Variants in MASTL observed in about 807,000 individuals in gnomAD.
MASTL encodes the protein microtubule associated serine/threonine kinase like.
MASTL carries 54 observed loss-of-function variants against 82.5 expected under a neutral mutation model. The ratio of observed to expected loss-of-function variants is 0.65; its 90% CI spans 0.53 to 0.82. The LOEUF is 0.82. MASTL is among the 40% of genes least tolerant of loss of function. The pLI is 0.00. For synonymous variants in MASTL, 323 were observed against 368.9 expected, an observed-to-expected ratio of 0.88 and a Z score of 1.43; for missense variants, 950 against 1,047.8, an observed-to-expected ratio of 0.91 and a Z score of 1.29.
Position 27,155,364 on chromosome 10 carries a change from G to T in MASTL, c.-63G>T, listed in dbSNP as rs2135929513. 1 of 1,508,170 alleles carries T rather than the reference G, an allele frequency of 6.6e-7. No individual in the cohort carries two copies. The highest frequency in any genetic ancestry group is 2.0e-5 in the Admixed American group (1 of 50,150). The allele number at this position is 1,508,170 out of a possible 1,614,324, so 93.4% of individuals were successfully genotyped here. A position where few individuals can be genotyped will look rare whatever the true frequency, so the allele number is the denominator to read the frequency against. On this transcript the variant is annotated 5_prime_UTR_variant, in exon 1 of 12. Coordinates refer to ENST00000375940, the MANE Select transcript of MASTL (RefSeq NM_001172303.3). Reference sequence around the variant, plus strand: ...TGGGCGGAGCCTCACTTTGAACCCAGTTGGCGGGAGTGGCTGCTCGCGGAG... The same window carrying T: ...TGGGCGGAGCCTCACTTTGAACCCATTTGGCGGGAGTGGCTGCTCGCGGAG...
At chr10:27,156,964 G>A (rs376181084) in intron 1 of MASTL, among the ~76,000 whole-genome samples, 7 of 151,276 alleles carry the variant, frequency 4.6e-5, no homozygotes, top group Admixed American at 1.3e-4. Flanking sequence ...ACCACACCGG[G>A]CTAATTTTTT....
intron 9 of MASTL, among the ~76,000 whole-genome samples, chr10:27,180,055 T>C (rs957844402): frequency 1.3e-5 from 2 of 152,222 alleles, no homozygotes; most frequent in African/African-American, 4.8e-5. Flanking sequence ...AGTTGTCACA[T>C]TGCCCAAGTG....
At chr10:27,185,811 C>G (rs534084730) in intron 11 of MASTL, among the ~76,000 whole-genome samples, 4 of 150,428 alleles carry the variant, frequency 2.7e-5, no homozygotes, top group Admixed American at 2.7e-4. Flanking sequence ...ATGTGAGTGC[C>G]GGGCATGGTG....
chr10:27,184,868 A>G (rs1306628990), intron 11 of MASTL, among the ~76,000 whole-genome samples: 2 of 152,074 alleles, frequency 1.3e-5, no homozygotes, highest in East Asian at 1.9e-4. Flanking sequence ...CCAAAAGAGC[A>G]TACTTTTATT....
intron 6 of MASTL, 68 bp downstream of exon 6, chr10:27,165,607 C>A: frequency 6.6e-7 from 1 of 1,522,452 alleles, no homozygotes; most frequent in Non-Finnish European, 9.1e-7. Flanking sequence ...CATTGGGAGG[C>A]TGAGGCAGGA....
intron 4 of MASTL, among the ~76,000 whole-genome samples, chr10:27,163,327 A>G (rs1448359493): frequency 6.6e-6 from 1 of 152,212 alleles, no homozygotes; most frequent in Non-Finnish European, 1.5e-5. Context: ...TCTAAAATCT[A>G]AACATTTTTG....
rs1194609467 is a variant in MASTL at position 27,173,228 on chromosome 10, T to C, written c.2235T>C (p.Leu745=). 1 of 1,614,194 alleles carries C rather than the reference T, an allele frequency of 6.2e-7. No individual in the cohort carries two copies. The highest frequency in any genetic ancestry group is 8.5e-7 in the Non-Finnish European group (1 of 1,180,040). The change falls in exon 9 of 12, where the codon CTT becomes CTC. Residue 745 remains leucine, a synonymous_variant. Coordinates refer to ENST00000375940, the MANE Select transcript of MASTL (RefSeq NM_001172303.3). ...DGRILGTPDY[L]APELLLGRAH... is the part of the protein sequence containing the mutation. ...GAATTCTAGGAACCCCAGACTACCT[T>C]GCACCTGAGCTGTTACTAGGCAGGG...
intron 4 of MASTL, among the ~76,000 whole-genome samples, chr10:27,161,806 A>T (rs2057582290): frequency 1.3e-5 from 2 of 152,202 alleles, no homozygotes; most frequent in South Asian, 4.1e-4. Flanking sequence ...AGTGAAATTG[A>T]TTCTTACCAA....
intron 11 of MASTL, among the ~76,000 whole-genome samples, chr10:27,185,939 A>G (rs1448972514): frequency 6.6e-6 from 1 of 151,636 alleles, no homozygotes; most frequent in Non-Finnish European, 1.5e-5. Context: ...AAAATACAAA[A>G]TTAGCCTGGT....
At chr10:27,176,467 C>T (rs532307649) in intron 9 of MASTL, among the ~76,000 whole-genome samples, 3 of 152,264 alleles carry the variant, frequency 2.0e-5, no homozygotes, top group Non-Finnish European at 2.9e-5. Context: ...AAATTGATCA[C>T]GACATTTGAG....
chr10:27,161,245 C>T, intron 4 of MASTL, 63 bp downstream of exon 4: 1 of 938,014 alleles, frequency 1.1e-6, no homozygotes, highest in South Asian at 1.3e-5. Flanking sequence ...TGGTGGCTCA[C>T]ACCTGTAATC....
intron 1 of MASTL, among the ~76,000 whole-genome samples, chr10:27,157,976 AT>A (rs1036150582): frequency 6.6e-5 from 10 of 152,046 alleles, no homozygotes; most frequent in Non-Finnish European, 1.5e-4. Flanking sequence ...GTGGAACAGA[AT>A]TTTTTTTCTA....
At chr10:27,165,768 G>T (rs2057722624) in intron 6 of MASTL, among the ~76,000 whole-genome samples, 1 of 151,914 alleles carries the variant, frequency 6.6e-6, no homozygotes, top group Non-Finnish European at 1.5e-5. Flanking sequence ...GGGCATGTTG[G>T]TGCACACTTG....
At position 27,186,587 on chromosome 10, in the gene MASTL, T is replaced by A. The variant is rs752083792; in HGVS notation, c.*51T>A. The A allele has an allele frequency of 4.6e-5, 66 of 1,447,928 alleles. No homozygotes were observed. The highest frequency in any genetic ancestry group is 6.3e-5 in the Non-Finnish European group (65 of 1,027,650). 89.7% of individuals were successfully genotyped at this position (1,447,928 alleles called of 1,614,324 possible). ...CCTTGTGTTATAGAATGAACTTGCA[T>A]AATTATATACTCCTTAATACTAGAT... On this transcript the variant is annotated 3_prime_UTR_variant, in exon 12 of 12. Coordinates refer to ENST00000375940, the MANE Select transcript of MASTL (RefSeq NM_001172303.3).
At chr10:27,163,251 T>G (rs1479702052) in intron 4 of MASTL, among the ~76,000 whole-genome samples, 1 of 152,170 alleles carries the variant, frequency 6.6e-6, no homozygotes, top group Non-Finnish European at 1.5e-5. Context: ...CCAGTTCATG[T>G]GATTATTCAT....
At chr10:27,184,828 T>C (rs1480270837) in intron 11 of MASTL, among the ~76,000 whole-genome samples, 1 of 152,130 alleles carries the variant, frequency 6.6e-6, no homozygotes, top group Non-Finnish European at 1.5e-5. Context: ...CCCAAAGTGC[T>C]GGGATTACAG....
At chr10:27,166,375 G>A (rs1003869480) in intron 6 of MASTL, among the ~76,000 whole-genome samples, 2 of 152,170 alleles carry the variant, frequency 1.3e-5, no homozygotes, top group Non-Finnish European at 2.9e-5. Flanking sequence ...TTGAGTAAAT[G>A]TAGTCATATT....
Position 27,187,874 on chromosome 10 carries a change from C to T in MASTL, c.*1338C>T, listed in dbSNP as rs2058864306. Among the ~76,000 whole-genome samples the T allele has an allele frequency of 6.6e-6, 1 of 151,974 alleles. No homozygotes were observed. The highest frequency in any genetic ancestry group is 1.5e-5 in the Non-Finnish European group (1 of 68,000). On this transcript the variant is annotated 3_prime_UTR_variant, in exon 12 of 12. Coordinates refer to ENST00000375940, the MANE Select transcript of MASTL (RefSeq NM_001172303.3). ...CTTATTGTCATTTATTTAAAACATG[C>T]AACATTATCAGAAACAGATTGGTCC... is the stretch of plus-strand genomic sequence containing the variant.
At chr10:27,173,040 C>A (rs2057999527) in intron 8 of MASTL, 78 bp from the exon 9 acceptor site, 2 of 1,560,744 alleles carry the variant, frequency 1.3e-6, no homozygotes, top group African/African-American at 1.4e-5. Flanking sequence ...AGTTATTTGG[C>A]TTGTGTGTTT....
Sources: allele counts gnomAD v4.1 joint callset (sites outside exome capture counted in the v4.1 genomes callset), GRCh38; gene constraint gnomAD v4.1.1; transcripts MANE v1.5; gene names NCBI Gene and HGNC (gene_info 2026-07-23, HGNC 2026-07-21).